Variants in PDE1A observed in about 807,000 individuals in gnomAD.
PDE1A encodes phosphodiesterase 1A, also known as dual specificity calcium/calmodulin-dependent 3',5'-cyclic nucleotide phosphodiesterase 1A.
In PDE1A, 35 loss-of-function variants were observed where a neutral mutation model predicts 61.7. That is an observed-to-expected ratio of 0.57 (90% CI 0.43 to 0.75). The LOEUF (loss-of-function observed/expected upper bound fraction) is 0.75. Among genes scored for constraint, PDE1A ranks in the 30% least tolerant of loss-of-function variants. PDE1A has a pLI of 0.00. For synonymous variants in PDE1A, 232 were observed against 213.2 expected (o/e 1.09, Z -0.77); for missense variants, 597 against 630.6 (o/e 0.95, Z 0.57).
chr2:182,391,088 T>C (rs1701393244), intron 1 of PDE1A, among the ~76,000 whole-genome samples: 1 of 152,022 alleles, frequency 6.6e-6, no homozygotes, highest in Admixed American at 6.6e-5. Context: ...AGTTTTCTAA[T>C]ATAAGCAGAA....
intron 13 of PDE1A, among the ~76,000 whole-genome samples, chr2:182,176,627 G>T (rs1267808123): frequency 4.7e-5 from 7 of 147,438 alleles, no homozygotes; most frequent in Non-Finnish European, 7.4e-5. Flanking sequence ...CATGTCGTCT[G>T]CAAACAGGGA....
At chr2:182,581,129 T>C in the PDE1A span, among the ~76,000 whole-genome samples, 2 of 152,198 alleles carry the variant, frequency 1.3e-5, no homozygotes, top group Non-Finnish European at 2.9e-5. Context: ...TTTAAAGTTG[T>C]ACCTGCTAGC....
At chr2:182,434,885 AAT>A (rs1704133871) in intron 2 of PDE1A, among the ~76,000 whole-genome samples, 1 of 152,088 alleles carries the variant, frequency 6.6e-6, no homozygotes, top group East Asian at 1.9e-4. Flanking sequence ...TTCTTAGATT[AAT>A]TAATAATAAT....
chr2:182,478,409 T>C (rs1687506355), intron 2 of PDE1A, among the ~76,000 whole-genome samples: 1 of 151,840 alleles, frequency 6.6e-6, no homozygotes, highest in Non-Finnish European at 1.5e-5. Flanking sequence ...GAGCACTGCA[T>C]TGAGGACAAT....
chr2:182,269,880 T>C (rs1326612752), intron 1 of PDE1A, among the ~76,000 whole-genome samples: 1 of 152,170 alleles, frequency 6.6e-6, no homozygotes, highest in Non-Finnish European at 1.5e-5. Context: ...CTAAAATATG[T>C]AATCAGTAAT....
At chr2:182,665,390 C>T in the PDE1A span, among the ~76,000 whole-genome samples, 1 of 151,970 alleles carries the variant, frequency 6.6e-6, no homozygotes, top group East Asian at 1.9e-4. Context: ...GAAATAACCC[C>T]ATCAAAAAGT....
intron 1 of PDE1A, among the ~76,000 whole-genome samples, chr2:182,351,676 G>A (rs372720257): frequency 8.3e-4 from 127 of 152,256 alleles, no homozygotes; most frequent in African/African-American, 3.0e-3. Flanking sequence ...ACTTTACCGT[G>A]ACATTTGTGA....
At position 182,330,451 on chromosome 2, in the gene PDE1A, A is replaced by G. The variant is rs572218495; in HGVS notation, c.54-66037T>C. On this transcript the variant is annotated intron_variant, in intron 1 of 13. Coordinates refer to ENST00000351439, the Ensembl canonical transcript of PDE1A. ...TTATAAGCCTACTTCTTTCTCCTCT[A>G]TCTTACTTTATCACTCTCTAGCCTT... Among the ~76,000 whole-genome samples the G allele has an allele frequency of 4.6e-5, 7 of 152,028 alleles. No individual in the cohort carries two copies. In the South Asian group the frequency reaches 1.2e-3, roughly 27 times the overall value.
At chr2:182,365,014 C>A (rs191847231) in intron 1 of PDE1A, among the ~76,000 whole-genome samples, 15 of 152,126 alleles carry the variant, frequency 9.9e-5, no homozygotes, top group Admixed American at 7.2e-4. Flanking sequence ...TGATTGAGGA[C>A]TGCTAGTTTT....
intron 13 of PDE1A, among the ~76,000 whole-genome samples, chr2:182,151,269 G>A (rs1690764724): frequency 6.6e-6 from 1 of 151,778 alleles, no homozygotes; most frequent in South Asian, 2.1e-4. Flanking sequence ...TTTGTTTTTT[G>A]TTTTTTTGCA....
chr2:182,234,986 T>C (rs1228818480), intron 3 of PDE1A, among the ~76,000 whole-genome samples: 1 of 152,252 alleles, frequency 6.6e-6, no homozygotes, highest in Non-Finnish European at 1.5e-5. Context: ...CCTTCTTTTA[T>C]TTAATGATAT....
intron 2 of PDE1A, among the ~76,000 whole-genome samples, chr2:182,256,899 A>AAAAT (rs1691861619): frequency 6.6e-6 from 1 of 152,238 alleles, no homozygotes; most frequent in Non-Finnish European, 1.5e-5. Flanking sequence ...AAATTCTGGA[A>AAAAT]AAATAGTCTA....
chr2:182,451,096 G>GCATAAAGTATTAGTATGCATGT (rs1685484046), intron 2 of PDE1A, among the ~76,000 whole-genome samples: 245 of 23,464 alleles, frequency 0.01, 65 homozygotes, highest in African/African-American at 0.037. Context: ...ATTTTAACTA[G>GCATAAAGTATTAGTATGCATGT]GGCCGGGCGC....
the PDE1A span, among the ~76,000 whole-genome samples, chr2:182,594,538 T>C: frequency 6.6e-6 from 1 of 152,240 alleles, no homozygotes; most frequent in African/African-American, 2.4e-5. Flanking sequence ...TCAAATTCTT[T>C]TTGACTAATC....
At chr2:182,344,659 T>C (rs1467946461) in intron 1 of PDE1A, among the ~76,000 whole-genome samples, 1 of 152,184 alleles carries the variant, frequency 6.6e-6, no homozygotes, top group Non-Finnish European at 1.5e-5. Context: ...CTTGCATCTT[T>C]AAAGTAATAG....
At chr2:182,368,336 C>T (rs191080138) in intron 1 of PDE1A, among the ~76,000 whole-genome samples, 11 of 150,276 alleles carry the variant, frequency 7.3e-5, no homozygotes, top group Admixed American at 5.3e-4. Flanking sequence ...ACACCCCAGC[C>T]CCCCCCACCC....
At chr2:182,382,226 C>G (rs373295256) in intron 1 of PDE1A, among the ~76,000 whole-genome samples, 1 of 152,110 alleles carries the variant, frequency 6.6e-6, no homozygotes. Flanking sequence ...CACATGAGTC[C>G]TTTAAAAGCA....
At chr2:182,337,537 A>C (rs1425096183) in intron 1 of PDE1A, among the ~76,000 whole-genome samples, 1 of 152,186 alleles carries the variant, frequency 6.6e-6, no homozygotes, top group Non-Finnish European at 1.5e-5. Flanking sequence ...AGCCCTTAGA[A>C]TCTAGAAATT....
At chr2:182,672,051 C>T in the PDE1A span, among the ~76,000 whole-genome samples, 2 of 152,254 alleles carry the variant, frequency 1.3e-5, no homozygotes, top group South Asian at 2.1e-4. Context: ...TGTGTCCAAA[C>T]TAATTTTTCA....
Sources: gnomAD v4.1 joint callset for allele counts (sites outside exome capture counted in the v4.1 genomes callset) on GRCh38, gnomAD v4.1.1 for gene constraint, MANE v1.5 for transcripts, NCBI Gene and HGNC (gene_info 2026-07-23, HGNC 2026-07-21) for gene names.